TMEM232: variants seen among roughly 807,000 people sequenced by gnomAD.
TMEM232 encodes transmembrane protein 232.
TMEM232 carries 80 observed loss-of-function variants against 78.8 expected under a neutral mutation model. The observed-to-expected ratio is 1.01, with a 90% CI of 0.85 to 1.22. The LOEUF (loss-of-function observed/expected upper bound fraction) is 1.22, where lower values mean the gene tolerates loss of function less well. TMEM232 is among the 50% of genes most tolerant of loss of function. TMEM232 has a pLI of 0.00. For missense variants in TMEM232, 881 were observed against 742.2 expected, an observed-to-expected ratio of 1.19 and a Z score of -2.17; for synonymous variants, 297 against 254.3, an observed-to-expected ratio of 1.17 and a Z score of -1.60.
At chr5:110,442,715 G>C (rs901933356) in intron 12 of TMEM232, among the ~76,000 whole-genome samples, 5 of 151,988 alleles carry the variant, frequency 3.3e-5, no homozygotes, top group Middle Eastern at 3.2e-3. Flanking sequence ...TTGAAAAGTT[G>C]GGTATTTATT....
At chr5:110,652,060 G>A (rs1788390612) in intron 2 of TMEM232, among the ~76,000 whole-genome samples, 2 of 152,062 alleles carry the variant, frequency 1.3e-5, no homozygotes, top group Non-Finnish European at 2.9e-5. Flanking sequence ...GGCTGACAGA[G>A]GTTAAGTATC....
intron 10 of TMEM232, among the ~76,000 whole-genome samples, chr5:110,604,812 G>A (rs143774409): frequency 0.025 from 3,760 of 152,098 alleles, 151 homozygotes; most frequent in African/African-American, 0.086. Flanking sequence ...ACAAAACTTA[G>A]CCAGGCATGG....
chr5:110,676,526 C>T (rs928215119), intron 1 of TMEM232, among the ~76,000 whole-genome samples: 1 of 151,698 alleles, frequency 6.6e-6, no homozygotes, highest in Non-Finnish European at 1.5e-5. Flanking sequence ...CCGCTTTGGC[C>T]GCTCAAATAA....
intron 11 of TMEM232, among the ~76,000 whole-genome samples, chr5:110,533,649 TC>T (rs1219047414): frequency 8.0e-4 from 120 of 150,542 alleles, no homozygotes; most frequent in African/African-American, 2.5e-3. Flanking sequence ...TTGTTAAGTC[TC>T]CCACAATTAC....
chr5:110,664,999 A>G (rs948867099), intron 2 of TMEM232, among the ~76,000 whole-genome samples: 1 of 151,936 alleles, frequency 6.6e-6, no homozygotes, highest in Non-Finnish European at 1.5e-5. Flanking sequence ...ATTATACTCT[A>G]CTCTTTGTGA....
chr5:110,657,452 T>C (rs1039740478), intron 2 of TMEM232, among the ~76,000 whole-genome samples: 1 of 151,920 alleles, frequency 6.6e-6, no homozygotes, highest in Non-Finnish European at 1.5e-5. Flanking sequence ...AATCCTGTCA[T>C]TTGCAGTAAC....
chr5:110,425,211 G>T, intron 12 of TMEM232, among the ~76,000 whole-genome samples: 1 of 151,874 alleles, frequency 6.6e-6, no homozygotes, highest in East Asian at 1.9e-4. Flanking sequence ...CTAAGAATTT[G>T]TTCTAAGATA....
At chr5:110,712,474 G>A (rs1049940902) in intron 1 of TMEM232, among the ~76,000 whole-genome samples, 4 of 151,840 alleles carry the variant, frequency 2.6e-5, no homozygotes, top group South Asian at 4.2e-4. Flanking sequence ...TCACACAAAA[G>A]GCAAAAAGTC....
At chr5:110,617,673 T>C (rs1783110948) in intron 8 of TMEM232, among the ~76,000 whole-genome samples, 1 of 152,120 alleles carries the variant, frequency 6.6e-6, no homozygotes. Context: ...GATTTATTTT[T>C]GGCTGGGAGC....
At chr5:110,557,802 C>T (rs1775284934) in intron 11 of TMEM232, among the ~76,000 whole-genome samples, 1 of 152,118 alleles carries the variant, frequency 6.6e-6, no homozygotes, top group Admixed American at 6.6e-5. Context: ...ATATCTAGCA[C>T]TGAGGATTAC....
chr5:110,477,604 C>G (rs1763388915), intron 12 of TMEM232, among the ~76,000 whole-genome samples: 1 of 151,712 alleles, frequency 6.6e-6, no homozygotes, highest in Non-Finnish European at 1.5e-5. Flanking sequence ...TTAACTATTA[C>G]TCTCTTAAGC....
chr5:110,720,586 T>C (rs1306893852), intron 1 of TMEM232: 3 of 152,184 alleles, frequency 2.0e-5, no homozygotes, highest in African/African-American at 4.8e-5. Context: ...ATCTCTGTAA[T>C]AGTTCATTGT....
At chr5:110,590,923 C>G (rs2149770326) in intron 10 of TMEM232, among the ~76,000 whole-genome samples, 1 of 152,202 alleles carries the variant, frequency 6.6e-6, no homozygotes, top group Non-Finnish European at 1.5e-5. Flanking sequence ...CACTCACTAT[C>G]ACGAGAACAG....
At chr5:110,680,346 A>G (rs1483788865) in intron 1 of TMEM232, among the ~76,000 whole-genome samples, 1 of 150,382 alleles carries the variant, frequency 6.6e-6, no homozygotes, top group African/African-American at 2.5e-5. Flanking sequence ...GCGGTGAGCC[A>G]ATGCTGTGCC....
intron 12 of TMEM232, among the ~76,000 whole-genome samples, chr5:110,470,390 C>T (rs898101318): frequency 1.4e-4 from 22 of 151,968 alleles, no homozygotes; most frequent in African/African-American, 5.3e-4. Context: ...CCAGGTGCCA[C>T]AAAAAGTTCA....
At chr5:110,484,988 A>G (rs892304267) in intron 12 of TMEM232, among the ~76,000 whole-genome samples, 1 of 152,124 alleles carries the variant, frequency 6.6e-6, no homozygotes. Context: ...AAAACAGTAG[A>G]TATTAGCATG....
chr5:110,691,134 T>TA (rs1165915653), intron 1 of TMEM232, among the ~76,000 whole-genome samples: 1 of 93,128 alleles, frequency 1.1e-5, no homozygotes, highest in Non-Finnish European at 2.1e-5. Context: ...TCCCAGAACT[T>TA]AAAGTATAAG....
At chr5:110,658,226 G>A (rs1027125374) in intron 2 of TMEM232, among the ~76,000 whole-genome samples, 3 of 152,108 alleles carry the variant, frequency 2.0e-5, no homozygotes, top group South Asian at 2.1e-4. Context: ...CCTGATACCC[G>A]TGTGATTGAT....
intron 3 of TMEM232, among the ~76,000 whole-genome samples, chr5:110,393,793 C>T (rs1755287914): frequency 1.3e-5 from 2 of 151,716 alleles, no homozygotes; most frequent in African/African-American, 4.8e-5. Flanking sequence ...CCCATCTCTA[C>T]TAAAAATACA....
Sources: gnomAD v4.1 joint callset for allele counts (sites outside exome capture counted in the v4.1 genomes callset) on GRCh38, gnomAD v4.1.1 for gene constraint, MANE v1.5 for transcripts, NCBI Gene and HGNC (gene_info 2026-07-23, HGNC 2026-07-21) for gene names.